The following TOP6BL variants were observed in gnomAD, a reference collection of about 807,000 sequenced individuals.
The protein encoded by TOP6BL is TOP6B like initiator of meiotic double strand breaks, also known as type 2 DNA topoisomerase 6 subunit B-like.
chr11:66,796,079 G>A, the TOP6BL span: 1 of 528,200 alleles, frequency 1.9e-6, no homozygotes. Context: ...GAAGTTCCGT[G>A]TAATAGATAC....
the TOP6BL span, among the ~76,000 whole-genome samples, chr11:66,795,103 C>T: frequency 6.6e-6 from 1 of 151,720 alleles, no homozygotes; most frequent in South Asian, 2.1e-4. Context: ...CACTGTACTC[C>T]AGCCTGGGCA....
the TOP6BL span, among the ~76,000 whole-genome samples, chr11:66,749,165 A>G: frequency 6.6e-6 from 1 of 152,196 alleles, no homozygotes; most frequent in Non-Finnish European, 1.5e-5. Flanking sequence ...TGGATAGTGA[A>G]CTAGGCTTTA....
the TOP6BL span, among the ~76,000 whole-genome samples, chr11:66,778,863 T>C: frequency 6.6e-6 from 1 of 152,164 alleles, no homozygotes; most frequent in African/African-American, 2.4e-5. Context: ...ATGACGCATA[T>C]CTACAACTAT....
chr11:66,788,953 C>G, the TOP6BL span, among the ~76,000 whole-genome samples: 5 of 152,102 alleles, frequency 3.3e-5, no homozygotes, highest in South Asian at 6.2e-4. Context: ...GGACACCAGT[C>G]CTATTAAGAC....
chr11:66,745,798 GTTT>G, the TOP6BL span, among the ~76,000 whole-genome samples: 3 of 32,118 alleles, frequency 9.3e-5, no homozygotes, highest in Non-Finnish European at 3.4e-4. Context: ...TTTAGGGTTT[GTTT>G]GTTTGTTTGT....
the TOP6BL span, among the ~76,000 whole-genome samples, chr11:66,790,062 G>A: frequency 7.9e-5 from 12 of 152,136 alleles, no homozygotes; most frequent in African/African-American, 1.4e-4. Context: ...CATGAGGTCC[G>A]GAGATTGAGA....
chr11:66,774,709 G>T, the TOP6BL span, among the ~76,000 whole-genome samples: 3 of 151,958 alleles, frequency 2.0e-5, no homozygotes, highest in African/African-American at 7.2e-5. Flanking sequence ...CTGACCTCGT[G>T]ATCCGCCCGC....
the TOP6BL span, among the ~76,000 whole-genome samples, chr11:66,774,794 T>A: frequency 6.6e-6 from 1 of 151,900 alleles, no homozygotes; most frequent in East Asian, 2.0e-4. Flanking sequence ...TTAAAACCTT[T>A]ACTCTTGGCT....
chr11:66,842,521 CAG>C, the TOP6BL span, among the ~76,000 whole-genome samples: 1 of 152,178 alleles, frequency 6.6e-6, no homozygotes, highest in Non-Finnish European at 1.5e-5. Context: ...TGAGGGGGGA[CAG>C]AGGCTGGCAG....
the TOP6BL span, chr11:66,762,053 A>G: frequency 7.3e-7 from 1 of 1,369,064 alleles, no homozygotes. Flanking sequence ...AACTTTCCGC[A>G]CTAATTTAGC....
chr11:66,756,487 C>G, the TOP6BL span: 1 of 1,064,902 alleles, frequency 9.4e-7, no homozygotes, highest in Admixed American at 4.8e-5. Context: ...TGCCCACCAC[C>G]ATGCCTGGCT....
chr11:66,781,554 A>C, the TOP6BL span, among the ~76,000 whole-genome samples: 1 of 151,840 alleles, frequency 6.6e-6, no homozygotes, highest in Non-Finnish European at 1.5e-5. Flanking sequence ...TTCTTTTTTC[A>C]GAGACAGGGT....
chr11:66,767,175 C>A, the TOP6BL span, among the ~76,000 whole-genome samples: 1 of 152,142 alleles, frequency 6.6e-6, no homozygotes, highest in Non-Finnish European at 1.5e-5. Context: ...CAGAATAATG[C>A]CCATTAAGAT....
chr11:66,759,214 G>A, the TOP6BL span: 22 of 641,140 alleles, frequency 3.4e-5, no homozygotes, highest in East Asian at 6.4e-4. Context: ...AAAAATACAG[G>A]ATGCCCACTT....
chr11:66,822,666 AC>A, the TOP6BL span: 1 of 1,543,610 alleles, frequency 6.5e-7, no homozygotes, highest in Non-Finnish European at 8.8e-7. Context: ...GTGTCTCCAG[AC>A]CCTTCAAGTT....
chr11:66,767,056 A>G, the TOP6BL span, among the ~76,000 whole-genome samples: 2 of 152,164 alleles, frequency 1.3e-5, no homozygotes, highest in African/African-American at 4.8e-5. Flanking sequence ...TAATTTAAAC[A>G]TAGCTTACAT....
At chr11:66,812,216 G>A in the TOP6BL span, among the ~76,000 whole-genome samples, 3 of 129,400 alleles carry the variant, frequency 2.3e-5, no homozygotes, top group East Asian at 2.3e-4. Flanking sequence ...TGGCTCTGTC[G>A]CCCAGGCTGG....
chr11:66,822,716 G>A, the TOP6BL span: 1 of 1,399,232 alleles, frequency 7.1e-7, no homozygotes, highest in South Asian at 1.2e-5. Context: ...AAAGTGCCAG[G>A]GTTTTGGCTG....
chr11:66,805,964 CATT>C, the TOP6BL span, among the ~76,000 whole-genome samples: 1 of 152,000 alleles, frequency 6.6e-6, no homozygotes, highest in Non-Finnish European at 1.5e-5. Flanking sequence ...GATAAAAAAA[CATT>C]AATAGCAGAT....
Sources: gnomAD v4.1 joint callset for allele counts (sites outside exome capture counted in the v4.1 genomes callset) on GRCh38, gnomAD v4.1.1 for gene constraint, MANE v1.5 for transcripts, NCBI Gene and HGNC (gene_info 2026-07-23, HGNC 2026-07-21) for gene names.